Variants in AUTS2 observed in about 807,000 individuals in gnomAD.
AUTS2 encodes activator of transcription and developmental regulator AUTS2.
AUTS2 carries 17 observed loss-of-function variants against 112.4 expected under a neutral mutation model. That is an observed-to-expected ratio of 0.15 (90% CI 0.10 to 0.23). The LOEUF is 0.23. Ranked by LOEUF, AUTS2 falls within the 10% of genes least tolerant of loss-of-function variation. The pLI, the probability that AUTS2 is intolerant of heterozygous loss-of-function variation, is 1.00. For missense variants in AUTS2, 1,510 were observed against 1,701.6 expected (o/e 0.89, Z 1.98); for synonymous variants, 751 against 702.7 (o/e 1.07, Z -1.09).
rs1376246504 is a variant in AUTS2 at position 70,667,001 on chromosome 7, C to T, written c.691-31568C>T. 2.0e-5 allele frequency among the ~76,000 whole-genome samples: 3 copies of T among 151,958 alleles called. No homozygotes were observed. The East Asian group carries it at 5.8e-4, about 29-fold the overall frequency. ...AAAAAAAAAAAAAAAAGTTTCCTTC[C>T]CCCCTCTTCTCTCTGCCTTTCCACA... On this transcript the variant is annotated intron_variant, in intron 5 of 18. Coordinates refer to ENST00000342771, the MANE Select transcript of AUTS2 (RefSeq NM_015570.4).
intron 4 of AUTS2, among the ~76,000 whole-genome samples, chr7:70,391,984 C>T (rs552557242): frequency 1.4e-4 from 22 of 152,276 alleles, no homozygotes; most frequent in African/African-American, 4.8e-4. Context: ...GTCACACCAG[C>T]CCCCACAGAG....
chr7:70,751,695 C>G (rs1033906508), intron 6 of AUTS2, among the ~76,000 whole-genome samples: 1 of 152,080 alleles, frequency 6.6e-6, no homozygotes, highest in African/African-American at 2.4e-5. Context: ...GTGTCACAGA[C>G]ACAGAAGTAC....
intron 5 of AUTS2, among the ~76,000 whole-genome samples, chr7:70,452,774 G>A (rs945364144): frequency 6.6e-6 from 1 of 152,130 alleles, no homozygotes; most frequent in Non-Finnish European, 1.5e-5. Context: ...ACTAAGCTTT[G>A]GAGGCCCAGG....
At position 70,117,755 on chromosome 7, in the gene AUTS2, T is replaced by C. The variant is rs1805457875; in HGVS notation, c.523-377T>C. Among the ~76,000 whole-genome samples, 4 of 152,088 alleles carry C rather than the reference T, an allele frequency of 2.6e-5. No homozygotes were observed. The South Asian group carries it at 8.3e-4, about 32-fold the overall frequency. ...GAACCTTAAATTGTTCACTCTTTTTTTTTTTTTTGTGAGACGGAGTCTTAA... is the reference window on the plus strand; with the variant it reads ...GAACCTTAAATTGTTCACTCTTTTTCTTTTTTTTGTGAGACGGAGTCTTAA... On this transcript the variant is annotated intron_variant, in intron 2 of 18. Transcript: ENST00000342771.
intron 1 of AUTS2, among the ~76,000 whole-genome samples, chr7:69,628,810 G>T (rs2129100773): frequency 6.6e-6 from 1 of 152,264 alleles, no homozygotes; most frequent in African/African-American, 2.4e-5. Context: ...AACATTAGGG[G>T]TTACAATTCA....
chr7:69,989,118 C>T (rs901612249), intron 2 of AUTS2, among the ~76,000 whole-genome samples: 1 of 152,094 alleles, frequency 6.6e-6, no homozygotes, highest in Non-Finnish European at 1.5e-5. Flanking sequence ...CCTGTGGTCC[C>T]AAGAATCTGT....
chr7:70,155,476 T>C (rs973638875), intron 4 of AUTS2, among the ~76,000 whole-genome samples: 11 of 151,660 alleles, frequency 7.3e-5, no homozygotes, highest in East Asian at 5.8e-4. Flanking sequence ...TTTTTTTTTT[T>C]CAGAGATCAG....
chr7:70,752,471 C>T (rs1788929796), intron 6 of AUTS2, among the ~76,000 whole-genome samples: 1 of 152,170 alleles, frequency 6.6e-6, no homozygotes. Flanking sequence ...GATATAAATG[C>T]CTTACCGTTG....
In AUTS2 at chr7:70,420,856, G is replaced by A. The variant is rs543869734; in HGVS notation, c.661-14896G>A. ...TCTTGATCGTGGTGATGGCTTCACA[G>A]GTGTGTACACATATATGAAAAGCTA... On this transcript the variant is annotated intron_variant, in intron 4 of 18. Transcript: ENST00000342771. Among the ~76,000 whole-genome samples, 5 of 152,300 alleles carry A rather than the reference G, an allele frequency of 3.3e-5. No homozygotes were observed. In the South Asian group the frequency reaches 1.0e-3, roughly 32 times the overall value.
At chr7:70,401,060 G>A (rs546224383) in intron 4 of AUTS2, among the ~76,000 whole-genome samples, 1 of 152,258 alleles carries the variant, frequency 6.6e-6, no homozygotes, top group South Asian at 2.1e-4. Flanking sequence ...ATCAGATATG[G>A]GAGGTATTTT....
At chr7:70,675,531 A>G (rs191092165) in intron 5 of AUTS2, among the ~76,000 whole-genome samples, 16 of 152,212 alleles carry the variant, frequency 1.1e-4, no homozygotes, top group Admixed American at 2.6e-4. Flanking sequence ...CCAGTTCTCT[A>G]CTCCAAAACT....
At chr7:70,511,556 ATTTTCTT>A (rs1799190223) in intron 5 of AUTS2, among the ~76,000 whole-genome samples, 5 of 41,766 alleles carry the variant, frequency 1.2e-4, no homozygotes, top group African/African-American at 4.9e-4. Flanking sequence ...ACTTTTTTTC[ATTTTCTT>A]TTTTTTTTTT....
chr7:70,367,752 A>C (rs1792651480), intron 4 of AUTS2, among the ~76,000 whole-genome samples: 1 of 152,144 alleles, frequency 6.6e-6, no homozygotes, highest in Admixed American at 6.5e-5. Context: ...AGAAAGTGCA[A>C]ATAGCAATAT....
intron 6 of AUTS2, among the ~76,000 whole-genome samples, chr7:70,757,807 CTTTTTTTTTTTTT>C (rs3974412): frequency 3.3e-5 from 2 of 60,526 alleles, no homozygotes; most frequent in African/African-American, 1.3e-4. Context: ...TCCATGGCTT[CTTTTTTTTTTTTT>C]TTTTTTTTTT....
At chr7:69,810,264 TAG>T (rs1790491762) in intron 1 of AUTS2, among the ~76,000 whole-genome samples, 1 of 152,206 alleles carries the variant, frequency 6.6e-6, no homozygotes, top group South Asian at 2.1e-4. Flanking sequence ...TTAATAATTG[TAG>T]AGTCTTGGGT....
At chr7:70,266,705 G>A (rs928200336) in intron 4 of AUTS2, among the ~76,000 whole-genome samples, 2 of 152,086 alleles carry the variant, frequency 1.3e-5, no homozygotes, top group African/African-American at 2.4e-5. Flanking sequence ...TTTATGGTAT[G>A]CAATTATACC....
chr7:70,698,120 C>T (rs559647533), intron 5 of AUTS2, among the ~76,000 whole-genome samples: 2 of 152,182 alleles, frequency 1.3e-5, no homozygotes, highest in African/African-American at 4.8e-5. Context: ...GCAGTGTTGG[C>T]TTACACTTTT....
intron 6 of AUTS2, among the ~76,000 whole-genome samples, chr7:70,742,088 G>T (rs982120100): frequency 4.6e-5 from 7 of 152,198 alleles, no homozygotes; most frequent in African/African-American, 1.7e-4. Flanking sequence ...CTGTTTCTTT[G>T]TTGTGTTATT....
At chr7:70,565,715 G>T (rs1801682163) in intron 5 of AUTS2, among the ~76,000 whole-genome samples, 1 of 152,096 alleles carries the variant, frequency 6.6e-6, no homozygotes, top group Non-Finnish European at 1.5e-5. Context: ...ATTCAGCTTT[G>T]CTTTTAAAAA....
Sources: gnomAD v4.1 joint callset for allele counts (sites outside exome capture counted in the v4.1 genomes callset) on GRCh38, gnomAD v4.1.1 for gene constraint, MANE v1.5 for transcripts, NCBI Gene and HGNC (gene_info 2026-07-23, HGNC 2026-07-21) for gene names.